CDC73: variants seen among roughly 807,000 people sequenced by gnomAD.
CDC73 encodes parafibromin.
CDC73 carries 21 observed loss-of-function variants against 83.7 expected under a neutral mutation model. The ratio of observed to expected loss-of-function variants is 0.25; its 90% CI spans 0.18 to 0.36. The LOEUF is 0.36. Ranked by LOEUF, CDC73 falls within the 10% of genes least tolerant of loss-of-function variation. The pLI is 1.00. For missense variants in CDC73, 342 were observed against 653.3 expected (o/e 0.52, Z 5.19); for synonymous variants, 224 against 212.9 (o/e 1.05, Z -0.45).
Position 193,223,235 on chromosome 1 carries a change from T to A in CDC73, c.1155-9758T>A, listed in dbSNP as rs865957231. Among the ~76,000 whole-genome samples, 147 of 22,630 alleles carry A rather than the reference T, an allele frequency of 6.5e-3. 2 individuals are homozygous for A. The Middle Eastern group carries it at 0.32, about 49-fold the overall frequency. 14.8% of individuals were successfully genotyped at this position (22,630 alleles called of 152,430 possible). On this transcript the variant is annotated intron_variant, in intron 13 of 16. Coordinates refer to ENST00000367435, the MANE Select transcript of CDC73 (RefSeq NM_024529.5). Reference sequence around the variant, plus strand: ...TTTAGTTTTTTACTGTTCATTTTATTTTTTTTTTATTTTGTTAATTTACCA... The same window carrying A: ...TTTAGTTTTTTACTGTTCATTTTATATTTTTTTTATTTTGTTAATTTACCA...
intron 6 of CDC73, among the ~76,000 whole-genome samples, chr1:193,139,620 C>A (rs1179416920): frequency 1.3e-5 from 2 of 152,164 alleles, no homozygotes; most frequent in East Asian, 3.8e-4. Context: ...ATCATGTGAT[C>A]TTTGCACACC....
intron 11 of CDC73, among the ~76,000 whole-genome samples, chr1:193,209,480 C>G (rs1465359695): frequency 6.6e-6 from 1 of 152,134 alleles, no homozygotes; most frequent in East Asian, 1.9e-4. Flanking sequence ...TAGACAGTGG[C>G]AAAATAAGGA....
intron 8 of CDC73, 96 bp downstream of exon 8, chr1:193,148,061 G>A: frequency 1.2e-6 from 1 of 850,464 alleles, no homozygotes; most frequent in East Asian, 2.6e-5. Context: ...TTTAAAATCA[G>A]TGGATTCTAA....
At chr1:193,166,625 A>T (rs917308741) in intron 10 of CDC73, among the ~76,000 whole-genome samples, 1 of 151,932 alleles carries the variant, frequency 6.6e-6, no homozygotes, top group African/African-American at 2.4e-5. Flanking sequence ...GTAACAAGAG[A>T]TAAATCAAAT....
chr1:193,172,880 C>G (rs754658941), intron 10 of CDC73, among the ~76,000 whole-genome samples: 1 of 152,174 alleles, frequency 6.6e-6, no homozygotes, highest in Non-Finnish European at 1.5e-5. Flanking sequence ...ACTTAATTTT[C>G]TAGGCCCAGA....
At chr1:193,150,964 G>T (rs1227701647) in intron 9 of CDC73, among the ~76,000 whole-genome samples, 1 of 152,158 alleles carries the variant, frequency 6.6e-6, no homozygotes, top group Non-Finnish European at 1.5e-5. Context: ...GATTCTATAT[G>T]TTAAGTCATT....
intron 13 of CDC73, among the ~76,000 whole-genome samples, chr1:193,228,192 G>T (rs1677596469): frequency 6.6e-6 from 1 of 152,004 alleles, no homozygotes; most frequent in Non-Finnish European, 1.5e-5. Flanking sequence ...ATAATTGATG[G>T]TATCTTAGAG....
chr1:193,168,429 A>G (rs1676467543), intron 10 of CDC73, among the ~76,000 whole-genome samples: 1 of 152,178 alleles, frequency 6.6e-6, no homozygotes, highest in African/African-American at 2.4e-5. Context: ...AAGGTAAAGC[A>G]ATATAATTGC....
At chr1:193,160,548 A>G (rs959345109) in intron 10 of CDC73, among the ~76,000 whole-genome samples, 20 of 152,220 alleles carry the variant, frequency 1.3e-4, no homozygotes, top group African/African-American at 4.1e-4. Flanking sequence ...TTTCAGCTTA[A>G]TAGAGCTTTT....
chr1:193,193,167 G>T (rs927386941), intron 10 of CDC73, among the ~76,000 whole-genome samples: 1 of 152,106 alleles, frequency 6.6e-6, no homozygotes, highest in African/African-American at 2.4e-5. Context: ...TGACTTTTAG[G>T]GTTTGATTCT....
At chr1:193,213,575 G>A (rs1332607587) in intron 13 of CDC73, among the ~76,000 whole-genome samples, 1 of 152,180 alleles carries the variant, frequency 6.6e-6, no homozygotes, top group Non-Finnish European at 1.5e-5. Context: ...ACTAGTTGGA[G>A]CGAAGGTGGT....
Position 193,122,238 on chromosome 1 carries a change from T to C in CDC73, c.38T>C (p.Ile13Thr). 1.2e-6 allele frequency: 2 copies of C among 1,614,066 alleles called. No homozygotes were observed. Among genetic ancestry groups the C allele is most frequent in the Non-Finnish European group, 1.7e-6 (2 of 1,179,978 alleles). Residue 13 changes from isoleucine to threonine, a missense_variant, in exon 1 of 17, where the codon ATC (isoleucine) becomes ACC (threonine). Ile to Thr is a moderately conservative substitution (Grantham distance 89). Transcript: ENST00000367435. ...DVLSVLRQYN[I>T]QKKEIVVKGD... is the part of the protein sequence containing the mutation. ...CTTAGCGTCCTGCGACAGTACAACA[T>C]CCAGAAGAAGGAGATTGTGGTGAAG...
rs1416985419 is a variant in CDC73 at position 193,135,348 on chromosome 1, T to C, written c.308-43T>C. The C allele has an allele frequency of 3.5e-6, 5 of 1,426,622 alleles. No individual in the cohort carries two copies. In the East Asian group the frequency reaches 9.1e-5, roughly 26 times the overall value. The allele number at this position is 1,426,622 out of a possible 1,614,324, so 88.4% of individuals were successfully genotyped here. ...CACTTGTAATAATATCCAATATATATGTTGAAATAGTAATCCTTACGTGAA... is the reference window on the plus strand; with the variant it reads ...CACTTGTAATAATATCCAATATATACGTTGAAATAGTAATCCTTACGTGAA... On this transcript the variant is annotated intron_variant, in intron 3 of 16. Transcript: ENST00000367435.
chr1:193,222,323 T>C (rs181187154), intron 13 of CDC73, among the ~76,000 whole-genome samples: 206 of 152,166 alleles, frequency 1.4e-3, no homozygotes, highest in African/African-American at 3.6e-3. Context: ...ATTCAGCACA[T>C]GTATGTGAGA....
At chr1:193,123,684 A>G (rs1402365602) in intron 1 of CDC73, among the ~76,000 whole-genome samples, 1 of 141,344 alleles carries the variant, frequency 7.1e-6, no homozygotes, top group South Asian at 2.2e-4. Flanking sequence ...TTTTTTTTTT[A>G]GACAATGGCT....
chr1:193,212,168 A>G (rs1379629773), intron 12 of CDC73, 68 bp downstream of exon 12: 3 of 1,285,748 alleles, frequency 2.3e-6, no homozygotes, highest in Admixed American at 3.9e-5. Context: ...AGGCCTGATA[A>G]TTTTCTTGTG....
chr1:193,166,893 GATA>G (rs1472410513), intron 10 of CDC73, among the ~76,000 whole-genome samples: 1 of 152,112 alleles, frequency 6.6e-6, no homozygotes, highest in Non-Finnish European at 1.5e-5. Flanking sequence ...TACAATGCAT[GATA>G]ATAATGTGCA....
At chr1:193,180,535 T>A in intron 10 of CDC73, 2 of 1,614,090 alleles carry the variant, frequency 1.2e-6, no homozygotes, top group South Asian at 2.2e-5. Flanking sequence ...GATCCCTACA[T>A]ATACATCTTC....
chr1:193,211,877 T>TGCA (rs1307895043), intron 11 of CDC73, among the ~76,000 whole-genome samples, 188 bp from the exon 12 acceptor site: 1 of 152,204 alleles, frequency 6.6e-6, no homozygotes, highest in East Asian at 1.9e-4. Context: ...TGACTACAGA[T>TGCA]TGTTGAATAA....
Sources: allele counts gnomAD v4.1 joint callset (sites outside exome capture counted in the v4.1 genomes callset), GRCh38; gene constraint gnomAD v4.1.1; transcripts MANE v1.5; gene names NCBI Gene and HGNC (gene_info 2026-07-23, HGNC 2026-07-21).